SNX18: variants seen among roughly 807,000 people sequenced by gnomAD.
The protein encoded by SNX18 is sorting nexin-18.
SNX18 carries 35 observed loss-of-function variants against 48.7 expected under a neutral mutation model. That is an observed-to-expected ratio of 0.72 (90% CI 0.55 to 0.95). SNX18 has a LOEUF of 0.95. SNX18 is among the 40% of genes least tolerant of loss of function. The probability of loss-of-function intolerance (pLI) is 0.00; values close to 1 mark genes in which losing one functional copy is unlikely to be tolerated. For missense variants in SNX18, 824 were observed against 871.0 expected (o/e 0.95, Z 0.68); for synonymous variants, 492 against 384.7 (o/e 1.28, Z -3.26).
the SNX18 span, among the ~76,000 whole-genome samples, chr5:54,600,001 T>G: frequency 6.6e-6 from 1 of 152,050 alleles, no homozygotes; most frequent in Non-Finnish European, 1.5e-5. Flanking sequence ...CTAATTAAAC[T>G]AAAGAATTTC....
chr5:54,628,070 C>A, the SNX18 span, among the ~76,000 whole-genome samples: 5 of 152,168 alleles, frequency 3.3e-5, no homozygotes, highest in Non-Finnish European at 4.4e-5. Flanking sequence ...ACCTGACACA[C>A]ACCCAGAGAC....
chr5:54,599,993 A>G, the SNX18 span, among the ~76,000 whole-genome samples: 3 of 152,200 alleles, frequency 2.0e-5, no homozygotes, highest in African/African-American at 4.8e-5. Context: ...AATGGGGTCT[A>G]ATTAAACTAA....
the SNX18 span, among the ~76,000 whole-genome samples, chr5:54,601,185 G>A: frequency 6.6e-6 from 1 of 152,042 alleles, no homozygotes; most frequent in Non-Finnish European, 1.5e-5. Flanking sequence ...GCTTGAAGTT[G>A]GCCATGTGGT....
intron 1 of SNX18, 179 bp downstream of exon 1, chr5:54,519,752 C>G (rs752011336): frequency 1.1e-5 from 17 of 1,614,192 alleles, no homozygotes; most frequent in Non-Finnish European, 1.4e-5. Flanking sequence ...CGACAGGCAG[C>G]TTCCTCCTCG....
intron 1 of SNX18, 161 bp downstream of exon 1, chr5:54,519,734 G>T: frequency 6.2e-7 from 1 of 1,614,156 alleles, no homozygotes; most frequent in Non-Finnish European, 8.5e-7. Flanking sequence ...AGTGTAAGTT[G>T]GATTGCTCGA....
chr5:54,518,831 G>A lies in SNX18; in HGVS notation c.879G>A (p.Lys293=), dbSNP rs61999266. 4.4e-3 allele frequency: 7,069 copies of A among 1,609,712 alleles called. 274 individuals are homozygous for A. In the African/African-American group the frequency reaches 0.082, roughly 19 times the overall value. ...PTKQTKFKGM[K]SYISYKLVPT... The stretch of plus-strand genomic sequence containing the variant: ...AGCAGACCAAGTTCAAGGGCATGAA[G>A]AGCTACATCTCCTACAAGCTGGTGC... Residue 293 remains lysine (K), a synonymous_variant, in exon 1 of 2, where the codon AAG becomes AAA. Coordinates refer to ENST00000381410, the MANE Select transcript of SNX18 (RefSeq NM_001102575.2).
At chr5:54,638,403 T>G in the SNX18 span, among the ~76,000 whole-genome samples, 2 of 152,250 alleles carry the variant, frequency 1.3e-5, no homozygotes, top group African/African-American at 4.8e-5. Flanking sequence ...AGAACCATTC[T>G]TGGATCCTTA....
intron 1 of SNX18, among the ~76,000 whole-genome samples, chr5:54,535,056 T>C (rs1189434982): frequency 6.6e-6 from 1 of 152,258 alleles, no homozygotes; most frequent in Non-Finnish European, 1.5e-5. Flanking sequence ...TTTAAGGTAA[T>C]ATTAATGAAC....
At chr5:54,576,169 G>A in the SNX18 span, among the ~76,000 whole-genome samples, 1 of 152,150 alleles carries the variant, frequency 6.6e-6, no homozygotes, top group African/African-American at 2.4e-5. Context: ...GCCTTCATGT[G>A]TGATTCCAGC....
the SNX18 span, chr5:54,643,967 G>C: frequency 6.6e-6 from 1 of 152,178 alleles, no homozygotes; most frequent in Non-Finnish European, 1.5e-5. Context: ...CTTCACTTTG[G>C]GTGACTCCAC....
the SNX18 span, among the ~76,000 whole-genome samples, chr5:54,588,306 C>CTTTATTTTTT: frequency 3.0e-4 from 22 of 73,918 alleles, 2 homozygotes; most frequent in Non-Finnish European, 4.5e-4. Context: ...TATTTCTATT[C>CTTTATTTTTT]TTTTTTTTTT....
At chr5:54,574,079 C>A in the SNX18 span, among the ~76,000 whole-genome samples, 1 of 152,288 alleles carries the variant, frequency 6.6e-6, no homozygotes, top group Admixed American at 6.5e-5. Flanking sequence ...CATCTCTGCT[C>A]CCTATGGCAT....
At chr5:54,619,730 G>C in the SNX18 span, among the ~76,000 whole-genome samples, 1 of 152,154 alleles carries the variant, frequency 6.6e-6, no homozygotes, top group African/African-American at 2.4e-5. Context: ...GCTCATAGTA[G>C]AATTTGTGAC....
intron 1 of SNX18, among the ~76,000 whole-genome samples, chr5:54,521,248 G>C (rs1445763828): frequency 2.0e-5 from 3 of 152,198 alleles, no homozygotes; most frequent in Non-Finnish European, 4.4e-5. Flanking sequence ...TGGGCCGCTG[G>C]TGTCTGTCTA....
At chr5:54,641,549 G>C in the SNX18 span, among the ~76,000 whole-genome samples, 11,462 of 152,128 alleles carry the variant, frequency 0.075, 1,292 homozygotes, top group African/African-American at 0.25. Context: ...CCACAGAGAA[G>C]AACACCTTTA....
chr5:54,575,670 C>A, the SNX18 span, among the ~76,000 whole-genome samples: 1 of 152,012 alleles, frequency 6.6e-6, no homozygotes, highest in Non-Finnish European at 1.5e-5. Context: ...TGCAGACCCC[C>A]CTTTTTTTAA....
At chr5:54,582,364 C>T in the SNX18 span, among the ~76,000 whole-genome samples, 1 of 152,062 alleles carries the variant, frequency 6.6e-6, no homozygotes, top group Non-Finnish European at 1.5e-5. Context: ...ATAAGACATC[C>T]CATGAGCATT....
the SNX18 span, among the ~76,000 whole-genome samples, chr5:54,572,863 G>A: frequency 1.8e-3 from 229 of 129,142 alleles, 2 homozygotes; most frequent in East Asian, 0.052. Context: ...GTATGATCTC[G>A]GCTCACTGCA....
chr5:54,585,994 G>T, the SNX18 span, among the ~76,000 whole-genome samples: 1 of 142,774 alleles, frequency 7.0e-6, no homozygotes, highest in Non-Finnish European at 1.5e-5. Flanking sequence ...GACGGAGCGA[G>T]ACTCCGTCTC....
Sources: allele counts gnomAD v4.1 joint callset (sites outside exome capture counted in the v4.1 genomes callset), GRCh38; gene constraint gnomAD v4.1.1; transcripts MANE v1.5; gene names NCBI Gene and HGNC (gene_info 2026-07-23, HGNC 2026-07-21).